The following FOCAD variants were observed in gnomAD, a reference collection of about 807,000 sequenced individuals.
FOCAD encodes focadhesin, also known as KIAA1797.
Under a neutral mutation model 225.6 loss-of-function variants are expected in FOCAD, and 198 were observed. That is an observed-to-expected ratio of 0.88 (90% CI 0.78 to 0.99). The LOEUF is 0.99. Among genes scored for constraint, FOCAD ranks in the 50% least tolerant of loss-of-function variants. The probability of loss-of-function intolerance (pLI) is 0.00; values close to 1 mark genes in which losing one functional copy is unlikely to be tolerated. For synonymous variants in FOCAD, 897 were observed against 755.0 expected, an observed-to-expected ratio of 1.19 and a Z score of -3.08; for missense variants, 2,713 against 2,123.6, an observed-to-expected ratio of 1.28 and a Z score of -5.46.
intron 8 of FOCAD, 121 bp downstream of exon 8, chr9:20,770,359 T>C (rs1443121090): frequency 1.1e-6 from 1 of 888,036 alleles, no homozygotes; most frequent in Admixed American, 2.4e-5. Flanking sequence ...ACAGGATGCA[T>C]GGTGCTGGCA....
intron 21 of FOCAD, among the ~76,000 whole-genome samples, chr9:20,891,890 A>G (rs1831646547): frequency 6.6e-6 from 1 of 152,200 alleles, no homozygotes; most frequent in Admixed American, 6.5e-5. Context: ...ATAGCTGAAG[A>G]GAAGTCAGTG....
In FOCAD at chr9:20,798,801, C is replaced by T. The variant is rs1821438470; in HGVS notation, c.1455+9193C>T. 2.0e-5 allele frequency among the ~76,000 whole-genome samples: 3 copies of T among 152,006 alleles called. No individual in the cohort carries two copies. The South Asian group carries it at 6.2e-4, about 32-fold the overall frequency. On this transcript the variant is annotated intron_variant, in intron 11 of 43. Transcript: ENST00000338382. The stretch of plus-strand genomic sequence containing the variant: ...TGTTGATCTTTTCAAAAAATCTGCT[C>T]CTGGATTCATTGATTTTTTTGAAGG...
At chr9:20,814,067 C>T (rs1823377857) in intron 11 of FOCAD, among the ~76,000 whole-genome samples, 1 of 152,138 alleles carries the variant, frequency 6.6e-6, no homozygotes. Context: ...CACTTTCAGC[C>T]TGTGTGTGTC....
intron 2 of FOCAD, among the ~76,000 whole-genome samples, chr9:20,668,208 T>A (rs1821952160): frequency 6.6e-6 from 1 of 152,102 alleles, no homozygotes; most frequent in Non-Finnish European, 1.5e-5. Flanking sequence ...TATTTGAGAG[T>A]TCATTGCTGA....
At chr9:20,912,791 T>G in intron 22 of FOCAD, 75 bp from the exon 23 acceptor site, 1 of 1,185,294 alleles carries the variant, frequency 8.4e-7, no homozygotes. Flanking sequence ...AGGATATATC[T>G]GTGTTTTCCA....
intron 4 of FOCAD, 38 bp downstream of exon 4, chr9:20,720,572 AGTTTTTAG>A: frequency 6.3e-7 from 1 of 1,593,508 alleles, no homozygotes; most frequent in South Asian, 1.1e-5. Flanking sequence ...TAATGATTTA[AGTTTTTAG>A]GAAAAAAATT....
chr9:20,768,897 T>G (rs1468438102), intron 7 of FOCAD, among the ~76,000 whole-genome samples: 2 of 152,156 alleles, frequency 1.3e-5, no homozygotes, highest in African/African-American at 2.4e-5. Context: ...AAATTATGCT[T>G]GTTTAGAACT....
intron 21 of FOCAD, among the ~76,000 whole-genome samples, chr9:20,887,855 T>A (rs1251804909): frequency 6.6e-6 from 1 of 152,186 alleles, no homozygotes; most frequent in Non-Finnish European, 1.5e-5. Context: ...GTGCTTGATA[T>A]AGTCAATTAA....
At chr9:20,994,414 C>G (rs1456493881) in intron 43 of FOCAD, among the ~76,000 whole-genome samples, 2 of 152,210 alleles carry the variant, frequency 1.3e-5, no homozygotes, top group African/African-American at 4.8e-5. Flanking sequence ...GCCACTGAAA[C>G]TTTCACCTTC....
intron 11 of FOCAD, among the ~76,000 whole-genome samples, chr9:20,796,665 T>G (rs1392250536): frequency 1.3e-5 from 2 of 152,224 alleles, no homozygotes; most frequent in Non-Finnish European, 1.5e-5. Context: ...TGGGGTTGTT[T>G]GTTTTTTTCT....
intron 11 of FOCAD, among the ~76,000 whole-genome samples, chr9:20,796,470 G>T (rs1254093956): frequency 3.3e-5 from 5 of 152,100 alleles, no homozygotes; most frequent in Non-Finnish European, 7.3e-5. Flanking sequence ...ATCCTCTCCA[G>T]CACCTGTTGT....
intron 28 of FOCAD, among the ~76,000 whole-genome samples, chr9:20,940,842 T>C (rs1269668166): frequency 6.6e-6 from 1 of 152,192 alleles, no homozygotes; most frequent in African/African-American, 2.4e-5. Flanking sequence ...AAAGCCATTT[T>C]TCTTTCTTAC....
At chr9:20,845,740 A>C (rs971846661) in intron 15 of FOCAD, among the ~76,000 whole-genome samples, 1 of 151,970 alleles carries the variant, frequency 6.6e-6, no homozygotes, top group African/African-American at 2.4e-5. Flanking sequence ...TGCTTTCTCT[A>C]TAAGCTTTTC....
chr9:20,722,428 T>G (rs1024889600), intron 4 of FOCAD, among the ~76,000 whole-genome samples: 1 of 152,238 alleles, frequency 6.6e-6, no homozygotes, highest in Non-Finnish European at 1.5e-5. Context: ...TTTCAGGCTG[T>G]GCTCAGATGT....
intron 33 of FOCAD, among the ~76,000 whole-genome samples, chr9:20,949,955 G>T (rs138599236): frequency 1.8e-4 from 27 of 152,172 alleles, no homozygotes; most frequent in African/African-American, 6.5e-4. Context: ...GGAATGTCAG[G>T]CCCTAAAGAT....
At chr9:20,921,902 A>G (rs555167603) in intron 24 of FOCAD, among the ~76,000 whole-genome samples, 3 of 152,260 alleles carry the variant, frequency 2.0e-5, no homozygotes, top group East Asian at 1.9e-4. Context: ...ATGACTTTTG[A>G]TACCCAGATT....
chr9:20,935,209 T>C (rs761179992), intron 28 of FOCAD, among the ~76,000 whole-genome samples: 24 of 152,178 alleles, frequency 1.6e-4, no homozygotes, highest in Non-Finnish European at 3.4e-4. Context: ...AAAAAACTTA[T>C]TATTAAAGCT....
intron 37 of FOCAD, among the ~76,000 whole-genome samples, chr9:20,978,986 C>G (rs914662725): frequency 1.3e-5 from 2 of 152,140 alleles, no homozygotes; most frequent in African/African-American, 4.8e-5. Flanking sequence ...TTAGCTTGAG[C>G]AAAGCGTTGA....
chr9:20,697,302 C>T, intron 1 of FOCAD, among the ~76,000 whole-genome samples: 1 of 152,160 alleles, frequency 6.6e-6, no homozygotes, highest in East Asian at 1.9e-4. Flanking sequence ...GGTCTCTATT[C>T]TTCCTAGAAG....
Sources: allele counts gnomAD v4.1 joint callset (sites outside exome capture counted in the v4.1 genomes callset), GRCh38; gene constraint gnomAD v4.1.1; transcripts MANE v1.5; gene names NCBI Gene and HGNC (gene_info 2026-07-23, HGNC 2026-07-21).